Variants in ZFHX3 observed in about 807,000 individuals in gnomAD.
The protein encoded by ZFHX3 is zinc finger homeobox protein 3.
ZFHX3 carries 42 observed loss-of-function variants against 279.1 expected under a neutral mutation model. The observed-to-expected ratio is 0.15, with a 90% CI of 0.12 to 0.19. The LOEUF is 0.19. Among genes scored for constraint, ZFHX3 ranks in the 10% least tolerant of loss-of-function variants. The probability of loss-of-function intolerance (pLI) is 1.00; values close to 1 mark genes in which losing one functional copy is unlikely to be tolerated. For missense variants in ZFHX3, 4,981 were observed against 4,754.0 expected (o/e 1.05, Z -1.40); for synonymous variants, 2,293 against 1,957.8 (o/e 1.17, Z -4.52).
chr16:72,968,624 C>T (rs1961958962), intron 1 of ZFHX3, among the ~76,000 whole-genome samples: 2 of 151,976 alleles, frequency 1.3e-5, no homozygotes, highest in African/African-American at 4.8e-5. Flanking sequence ...CCACGCCTGG[C>T]TAATTTTTTC....
intron 1 of ZFHX3, among the ~76,000 whole-genome samples, chr16:73,873,458 T>C (rs2029875373): frequency 6.6e-6 from 1 of 152,298 alleles, no homozygotes; most frequent in Non-Finnish European, 1.5e-5. Flanking sequence ...TTTATGTGTT[T>C]CTTTATCCTA....
chr16:73,542,264 G>T (rs563555106), intron 2 of ZFHX3, among the ~76,000 whole-genome samples: 2 of 152,284 alleles, frequency 1.3e-5, no homozygotes, highest in African/African-American at 4.8e-5. Flanking sequence ...AGAACATTTG[G>T]GTGGGCCTGG....
chr16:72,871,218 CA>C (rs1401802316), intron 4 of ZFHX3, among the ~76,000 whole-genome samples: 4 of 152,278 alleles, frequency 2.6e-5, no homozygotes, highest in African/African-American at 9.6e-5. Context: ...TCTTGACGCC[CA>C]GGTTGGAGTG....
chr16:73,252,958 A>C (rs969341461), intron 5 of ZFHX3, among the ~76,000 whole-genome samples: 2 of 152,212 alleles, frequency 1.3e-5, no homozygotes, highest in African/African-American at 2.4e-5. Flanking sequence ...CAGAGAAAGC[A>C]GAGCAGGAAA....
chr16:73,462,299 C>T (rs1232628095), intron 2 of ZFHX3, among the ~76,000 whole-genome samples: 1 of 152,140 alleles, frequency 6.6e-6, no homozygotes, highest in East Asian at 1.9e-4. Flanking sequence ...CATTTTTATT[C>T]TAATCCTAAA....
At chr16:73,683,342 A>G (rs1375914123) in intron 1 of ZFHX3, among the ~76,000 whole-genome samples, 3 of 152,184 alleles carry the variant, frequency 2.0e-5, no homozygotes, top group African/African-American at 7.2e-5. Flanking sequence ...GTTGGTAACT[A>G]CTGATAAATA....
At chr16:73,519,277 C>A (rs1001734604) in intron 2 of ZFHX3, among the ~76,000 whole-genome samples, 3 of 151,726 alleles carry the variant, frequency 2.0e-5, no homozygotes, top group Admixed American at 1.3e-4. Context: ...GGTTATAAAC[C>A]CATTTCTTCT....
intron 7 of ZFHX3, among the ~76,000 whole-genome samples, chr16:72,802,342 T>C (rs542565678): frequency 1.2e-3 from 190 of 152,284 alleles, no homozygotes; most frequent in African/African-American, 4.4e-3. Context: ...TCATAATTCC[T>C]GATTGGGATT....
At chr16:72,920,713 C>G (rs1458940020) in intron 3 of ZFHX3, among the ~76,000 whole-genome samples, 1 of 151,894 alleles carries the variant, frequency 6.6e-6, no homozygotes, top group Admixed American at 6.6e-5. Context: ...GAAAAACTGC[C>G]TGTCTGTGTG....
rs949665075 is a variant in ZFHX3, at chr16:73,715,562, C to CTTT, written c.-1607-35325_-1607-35323dup. The stretch of plus-strand genomic sequence containing the variant: ...CAAGTTAGCAAGTACCACAGCTGGT[C>CTTT]TTTTTTTTTTTTTTTTTTTTTTTTT... On this transcript the variant is annotated intron_variant, in intron 1 of 17. Coordinates refer to the ZFHX3 transcript ENST00000641206. Among the ~76,000 whole-genome samples, 93 of 63,024 alleles carry CTTT rather than the reference C, an allele frequency of 1.5e-3. 12 individuals are homozygous for CTTT. The highest frequency in any genetic ancestry group is 4.8e-3 in the African/African-American group (65 of 13,576). 41.3% of individuals were successfully genotyped at this position (63,024 alleles called of 152,430 possible). A position where few individuals can be genotyped will look rare whatever the true frequency, so the allele number is the denominator to read the frequency against.
chr16:72,795,560 G>C lies in ZFHX3; in HGVS notation c.7122C>G (p.Ile2374Met), dbSNP rs1386330481. The C allele has an allele frequency of 1.2e-6, 2 of 1,614,074 alleles. No homozygotes were observed. The highest frequency in any genetic ancestry group is 1.7e-6 in the Non-Finnish European group (2 of 1,180,020). The change falls in exon 9 of 10, where the codon ATC becomes ATG. Residue 2374 changes from isoleucine to methionine, a missense_variant. By Grantham distance (10) the Ile-to-Met change is conservative (BLOSUM62 1). Transcript: ENST00000268489. The part of the protein sequence containing the change: ...QNEDSMDAME[I>M]LTPTSSSCST... ...TGCAGGATGAGCTGGTAGGCGTCAG[G>C]ATTTCCATGGCATCCATGGAATCCT...
chr16:73,207,271 A>C (rs866311618), intron 5 of ZFHX3, among the ~76,000 whole-genome samples: 22 of 152,178 alleles, frequency 1.4e-4, no homozygotes, highest in Admixed American at 3.3e-4. Flanking sequence ...TGACCAATTA[A>C]ATAAGGGCAG....
At chr16:73,127,230 C>T (rs1428658809) in intron 7 of ZFHX3, 3 of 773,170 alleles carry the variant, frequency 3.9e-6, no homozygotes, top group Non-Finnish European at 1.8e-6. Context: ...TGTTACACAG[C>T]GGTTAGTATC....
At chr16:73,681,413 T>A (rs1424098076) in intron 1 of ZFHX3, among the ~76,000 whole-genome samples, 1 of 152,116 alleles carries the variant, frequency 6.6e-6, no homozygotes, top group Non-Finnish European at 1.5e-5. Context: ...TTAAAAGAAT[T>A]CTTATTAAAA....
intron 3 of ZFHX3, among the ~76,000 whole-genome samples, chr16:72,892,399 G>A (rs966924436): frequency 1.3e-5 from 2 of 152,126 alleles, no homozygotes; most frequent in African/African-American, 4.8e-5. Context: ...AGAAAGTATT[G>A]GAAGAACCAG....
chr16:72,812,368 G>C (rs752423864), intron 5 of ZFHX3, among the ~76,000 whole-genome samples: 2 of 152,224 alleles, frequency 1.3e-5, no homozygotes, highest in African/African-American at 2.4e-5. Flanking sequence ...GCTGGCTTGT[G>C]GGGGGCAGTA....
chr16:73,690,527 G>A (rs1053076526), intron 1 of ZFHX3, among the ~76,000 whole-genome samples: 1 of 152,214 alleles, frequency 6.6e-6, no homozygotes, highest in African/African-American at 2.4e-5. Flanking sequence ...AAAGACTGCT[G>A]CAAAGTTTCC....
chr16:72,910,418 T>C (rs949149091), intron 3 of ZFHX3, among the ~76,000 whole-genome samples: 6 of 152,242 alleles, frequency 3.9e-5, no homozygotes, highest in Non-Finnish European at 8.8e-5. Flanking sequence ...TCTTGGATCC[T>C]GACATCTAAG....
At chr16:73,657,530 A>G (rs2052735275) in intron 2 of ZFHX3, among the ~76,000 whole-genome samples, 1 of 152,190 alleles carries the variant, frequency 6.6e-6, no homozygotes, top group Non-Finnish European at 1.5e-5. Flanking sequence ...CCATCACCAC[A>G]ATCAATGTTA....
Sources: gnomAD v4.1 joint callset for allele counts (sites outside exome capture counted in the v4.1 genomes callset) on GRCh38, gnomAD v4.1.1 for gene constraint, MANE v1.5 for transcripts, NCBI Gene and HGNC (gene_info 2026-07-23, HGNC 2026-07-21) for gene names.